CFAP46: variants seen among roughly 807,000 people sequenced by gnomAD.
The protein encoded by CFAP46 is cilia- and flagella-associated protein 46.
CFAP46 carries 245 observed loss-of-function variants against 325.7 expected under a neutral mutation model. The ratio of observed to expected loss-of-function variants is 0.75; its 90% confidence interval spans 0.68 to 0.84. CFAP46 has a LOEUF of 0.84. Among genes scored for constraint, CFAP46 ranks in the 40% least tolerant of loss-of-function variants. The pLI is 0.00. For synonymous variants in CFAP46, 1,523 were observed against 1,495.9 expected (o/e 1.02, Z -0.42); for missense variants, 3,346 against 3,543.0 (o/e 0.94, Z 1.41).
intron 25 of CFAP46, 83 bp downstream of exon 25, chr10:132,892,250 A>T: frequency 7.5e-7 from 1 of 1,331,002 alleles, no homozygotes; most frequent in Non-Finnish European, 1.0e-6. Flanking sequence ...ATGGGAATTT[A>T]AAAGCACCAC....
chr10:132,911,289 G>A (rs896924685), intron 19 of CFAP46, among the ~76,000 whole-genome samples: 1 of 152,262 alleles, frequency 6.6e-6, no homozygotes, highest in Non-Finnish European at 1.5e-5. Flanking sequence ...GGAGCTGGGA[G>A]CACTAGGGCC....
rs1848100446 is a variant in CFAP46, at chr10:132,828,732, G to T, written c.7117+4626C>A. Among the ~76,000 whole-genome samples the T allele has an allele frequency of 6.6e-6, 1 of 152,112 alleles. No individual in the cohort carries two copies. On this transcript the variant is annotated intron_variant, in intron 50 of 57. Coordinates refer to ENST00000368586, the MANE Select transcript of CFAP46 (RefSeq NM_001200049.3). This position sits in a 1 kb window ranked among gnomAD's most constrained non-coding sequence, Gnocchi z 4.9. ...AGAAATGTGAGGGTCTTTGGTCTCG[G>T]ATCCATTTCGAGCTGATTTTCCTGC...
intron 50 of CFAP46, among the ~76,000 whole-genome samples, chr10:132,829,291 A>T (rs530667118): frequency 1.3e-5 from 2 of 152,200 alleles, no homozygotes; most frequent in Non-Finnish European, 2.9e-5. Flanking sequence ...TGTCAAACTT[A>T]TCCCTAATTA....
At chr10:132,883,763 C>T (rs917186834) in intron 27 of CFAP46, among the ~76,000 whole-genome samples, 4 of 152,206 alleles carry the variant, frequency 2.6e-5, no homozygotes, top group Non-Finnish European at 4.4e-5. Flanking sequence ...CGACTCAGTC[C>T]TAAACGGGAA....
chr10:132,808,900 C>T lies in CFAP46; in HGVS notation c.7669G>A (p.Gly2557Ser), dbSNP rs1324004122. ...GCTTGTCCTTCAAGGTCTGAGAAGC[C>T]TCGTCTGTGGAGAAAGGGGCGGGAG... ...EWRRGGEPRRGFSDLEGQAAA... is the reference protein window; with the variant it reads ...EWRRGGEPRRSFSDLEGQAAA... Residue 2557 changes from glycine (G) to serine (S), a missense_variant, in exon 58 of 58, where the codon GGC becomes AGC. Physicochemically the swap from Gly to Ser is moderately conservative, Grantham distance 56. Transcript: ENST00000368586. The surrounding 1 kb of genome is among the most constrained non-coding windows in gnomAD (Gnocchi z 6.8). 6.3e-7 allele frequency: 1 copy of T among 1,583,996 alleles called. No homozygotes were observed. The highest frequency in any genetic ancestry group is 8.6e-7 in the Non-Finnish European group (1 of 1,160,354).
chr10:132,880,467 G>T (rs567569064), intron 28 of CFAP46, among the ~76,000 whole-genome samples: 1 of 152,346 alleles, frequency 6.6e-6, no homozygotes, highest in East Asian at 1.9e-4. Context: ...GATGGCTGAG[G>T]TGCCCACAGG....
chr10:132,867,464 G>C lies in CFAP46; in HGVS notation c.4654C>G (p.Pro1552Ala), dbSNP rs771580334. Residue 1552 changes from proline (P) to alanine (A), a missense_variant, in exon 34 of 58, where the codon CCT (proline) becomes GCT (alanine). Pro to Ala is a conservative substitution (Grantham distance 27). Coordinates refer to ENST00000368586, the MANE Select transcript of CFAP46 (RefSeq NM_001200049.3). ...GCTGGCAGGCTTTCTTCTAATAAAG[G>C]CTCCTTATTTTTCTCTTTTTTCAAC... The part of the protein sequence containing the change: ...IALKKEKNKE[P>A]LLEESLPALN... 3.2e-5 allele frequency: 49 copies of C among 1,550,364 alleles called. 2 individuals are homozygous for C. In the South Asian group the frequency reaches 3.2e-4, roughly 10 times the overall value.
rs953809706 is a variant in CFAP46, at chr10:132,886,874, G to T, written c.3305-915C>A. Among the ~76,000 whole-genome samples the T allele has an allele frequency of 6.6e-6, 1 of 151,946 alleles. No homozygotes were observed. Among genetic ancestry groups the T allele is most frequent in the South Asian group, 2.1e-4 (1 of 4,814 alleles). On this transcript the variant is annotated intron_variant, in intron 25 of 57. Transcript: ENST00000368586. The surrounding 1 kb of genome is among the most constrained non-coding windows in gnomAD (Gnocchi z 5.8). The stretch of plus-strand genomic sequence containing the variant: ...CAGCCATGGCGACTAGAATGCTGAC[G>T]CGTCCCCTCCCCGTCATGGGCGCTG...
At chr10:132,894,322 G>C (rs1849293069) in intron 24 of CFAP46, among the ~76,000 whole-genome samples, 1 of 152,128 alleles carries the variant, frequency 6.6e-6, no homozygotes, top group Non-Finnish European at 1.5e-5. Context: ...GTGATGAAAA[G>C]CACATTAGAT....
At chr10:132,930,567 T>C (rs1591097855) in intron 8 of CFAP46, among the ~76,000 whole-genome samples, 3 of 82,778 alleles carry the variant, frequency 3.6e-5, no homozygotes, top group East Asian at 3.7e-4. Context: ...GCCTGGGCCT[T>C]CCTCCTCCAC....
rs1328734165 is a variant in CFAP46, at chr10:132,938,706, A to C, written c.419T>G (p.Val140Gly). The stretch of plus-strand genomic sequence containing the variant: ...ATATCCAGGCTTGAGGAACGGCCTC[A>C]CCATCTGCCAGTAGAGGACTGATGC... ...YNASVLYWQM[V>G]RPFLKPGYRH... Residue 140 changes from valine to glycine, a missense_variant, in exon 5 of 58, where the codon GTG (valine) becomes GGG (glycine). Transcript: ENST00000368586. 1.9e-6 allele frequency: 3 copies of C among 1,613,584 alleles called. No individual in the cohort carries two copies. The highest frequency in any genetic ancestry group is 2.5e-6 in the Non-Finnish European group (3 of 1,179,946).
At chr10:132,908,424 C>G (rs1193316238) in intron 22 of CFAP46, 44 bp downstream of exon 22, 3 of 1,548,238 alleles carry the variant, frequency 1.9e-6, no homozygotes, top group Non-Finnish European at 2.6e-6. Context: ...CCTGCGCTCC[C>G]TGCCCGTTTT....
intron 39 of CFAP46, among the ~76,000 whole-genome samples, chr10:132,853,136 G>A (rs1474527883): frequency 6.6e-6 from 1 of 152,146 alleles, no homozygotes; most frequent in African/African-American, 2.4e-5. Context: ...CGTCCTTATC[G>A]AAAGGGGGCA....
intron 50 of CFAP46, among the ~76,000 whole-genome samples, chr10:132,822,821 G>GA (rs1437803084): frequency 7.9e-6 from 1 of 126,012 alleles, no homozygotes; most frequent in African/African-American, 3.0e-5. Flanking sequence ...GCTGTGTGCT[G>GA]TGTGTGCTGA....
chr10:132,821,849 G>A (rs1304728641), intron 50 of CFAP46, among the ~76,000 whole-genome samples: 5 of 138,390 alleles, frequency 3.6e-5, no homozygotes, highest in East Asian at 2.2e-4. Flanking sequence ...CTGTGTGAGC[G>A]CTGATGTGTG....
intron 50 of CFAP46, among the ~76,000 whole-genome samples, chr10:132,823,892 CGCTGTGT>C (rs1235833920): frequency 8.2e-6 from 1 of 121,604 alleles, no homozygotes; most frequent in African/African-American, 3.3e-5. Flanking sequence ...GCTGTCTGTG[CGCTGTGT>C]GCTGTGTGAG....
chr10:132,860,621 G>C (rs1256807743), intron 36 of CFAP46, 98 bp from the exon 37 acceptor site: 1 of 1,179,610 alleles, frequency 8.5e-7, no homozygotes, highest in Non-Finnish European at 1.2e-6. Flanking sequence ...CGGGCCTGAG[G>C]ACAGGCGGGG....
intron 50 of CFAP46, among the ~76,000 whole-genome samples, chr10:132,830,427 C>G (rs1564770008): frequency 6.6e-6 from 1 of 152,182 alleles, no homozygotes; most frequent in Non-Finnish European, 1.5e-5. Context: ...CAGGTGTGAG[C>G]CACCGCGCCC....
chr10:132,929,916 T>C, intron 8 of CFAP46, 112 bp from the exon 9 acceptor site: 1 of 756,950 alleles, frequency 1.3e-6, no homozygotes, highest in South Asian at 1.8e-5. Flanking sequence ...AAAGGTAGGA[T>C]AAGAAATAAA....
Sources: gnomAD v4.1 joint callset for allele counts (sites outside exome capture counted in the v4.1 genomes callset) on GRCh38, gnomAD v4.1.1 for gene constraint, Gnocchi (gnomAD v3.1) non-coding constraint, MANE v1.5 for transcripts, NCBI Gene and HGNC (gene_info 2026-07-23, HGNC 2026-07-21) for gene names.